MACROD2: variants seen among roughly 807,000 people sequenced by gnomAD.
The protein encoded by MACROD2 is ADP-ribose glycohydrolase MACROD2.
MACROD2 carries 36 observed loss-of-function variants against 70.4 expected under a neutral mutation model. The ratio of observed to expected loss-of-function variants is 0.51; its 90% confidence interval spans 0.39 to 0.68. The LOEUF is 0.68. MACROD2 is among the 30% of genes least tolerant of loss of function. The pLI is 0.00. For synonymous variants in MACROD2, 172 were observed against 178.8 expected (o/e 0.96, Z 0.30); for missense variants, 496 against 538.4 (o/e 0.92, Z 0.78).
chr20:15,093,152 T>C (rs1341897367), intron 5 of MACROD2, among the ~76,000 whole-genome samples: 3 of 152,158 alleles, frequency 2.0e-5, no homozygotes, highest in Admixed American at 2.0e-4. Flanking sequence ...ATTATGATAA[T>C]CTCCCCAAAT....
chr20:14,451,100 G>A (rs377488847), intron 3 of MACROD2, among the ~76,000 whole-genome samples: 17 of 152,060 alleles, frequency 1.1e-4, no homozygotes, highest in African/African-American at 4.1e-4. Flanking sequence ...GGAAGCACTG[G>A]TAGAGGCTTG....
rs193031908 is a variant in MACROD2 at position 15,227,919 on chromosome 20, T to G, written c.419-2021T>G. On this transcript the variant is annotated intron_variant, in intron 5 of 17. Transcript: ENST00000684519. ...GGGGAAATGCTGCTTTATAGAATTG[T>G]GTGTTATTCTGGTTCAATTTTTCTG... is the stretch of plus-strand genomic sequence containing the variant. 9.3e-5 allele frequency among the ~76,000 whole-genome samples: 14 copies of G among 150,602 alleles called. No individual in the cohort carries two copies. In the East Asian group the frequency reaches 1.6e-3, roughly 17 times the overall value.
intron 2 of MACROD2, among the ~76,000 whole-genome samples, chr20:14,042,398 A>G (rs114567374): frequency 4.4e-4 from 67 of 152,312 alleles, no homozygotes; most frequent in African/African-American, 1.6e-3. Flanking sequence ...ATACTCACCA[A>G]TTAACACAGA....
chr20:15,113,763 A>AGTGTGTGTGTGTGTGTGT lies in MACROD2; in HGVS notation c.419-116157_419-116140dup, dbSNP rs71340210. Among the ~76,000 whole-genome samples the AGTGTGTGTGTGTGTGTGT allele has an allele frequency of 3.0e-3, 435 of 144,226 alleles. 3 individuals are homozygous for AGTGTGTGTGTGTGTGTGT. Among genetic ancestry groups the AGTGTGTGTGTGTGTGTGT allele is most frequent in the East Asian group, 0.013 (58 of 4,608 alleles). The allele number at this position is 144,226 out of a possible 152,430, so 94.6% of individuals were successfully genotyped here. Reference sequence around the variant, plus strand: ...TAGGTATGGGGTTGTGTAGTCTTGAAGTGTGTGTGTGTGTGTGTGTGTGTG... The same window carrying AGTGTGTGTGTGTGTGTGT: ...TAGGTATGGGGTTGTGTAGTCTTGAAGTGTGTGTGTGTGTGTGTGTGTGTGTGTGTGTGTGTGTGTGTG... On this transcript the variant is annotated intron_variant, in intron 5 of 17. Coordinates refer to ENST00000684519, the MANE Select transcript of MACROD2 (RefSeq NM_001351661.2).
In MACROD2 at chr20:15,445,568, A is replaced by G. The variant is rs75680441; in HGVS notation, c.571+14133A>G. Among the ~76,000 whole-genome samples the G allele has an allele frequency of 2.5e-3, 386 of 152,250 alleles. 2 individuals are homozygous for G. The East Asian group carries it at 0.034, about 13-fold the overall frequency. On this transcript the variant is annotated intron_variant, in intron 7 of 17. Transcript: ENST00000684519. ...AACCAAATCATGTTTCTGTACATAG[A>G]TTTTAAATGCTTCCTTCCAACCCAG...
chr20:16,011,854 A>G (rs2066867837), intron 15 of MACROD2, among the ~76,000 whole-genome samples: 1 of 152,222 alleles, frequency 6.6e-6, no homozygotes, highest in Non-Finnish European at 1.5e-5. Context: ...TTTCAGCTCC[A>G]TGATCAAGGC....
chr20:14,624,459 A>G (rs1297480765), intron 4 of MACROD2, among the ~76,000 whole-genome samples: 4 of 152,230 alleles, frequency 2.6e-5, no homozygotes, highest in African/African-American at 9.6e-5. Flanking sequence ...CACTAGAGTC[A>G]TATAATCTGG....
At chr20:14,082,529 G>A (rs189569056) in intron 2 of MACROD2, among the ~76,000 whole-genome samples, 117 of 151,958 alleles carry the variant, frequency 7.7e-4, no homozygotes, top group Non-Finnish European at 1.1e-3. Flanking sequence ...TTGCTTTTGA[G>A]AAAGAAACAC....
At chr20:14,694,217 T>C (rs1461313012) in intron 5 of MACROD2, among the ~76,000 whole-genome samples, 2 of 152,220 alleles carry the variant, frequency 1.3e-5, no homozygotes, top group Non-Finnish European at 2.9e-5. Flanking sequence ...TCTATTTCAG[T>C]TCTTACATAT....
intron 8 of MACROD2, among the ~76,000 whole-genome samples, chr20:15,777,502 CTTCCTTCT>C (rs1160799231): frequency 6.1e-5 from 4 of 65,364 alleles, no homozygotes; most frequent in African/African-American, 2.7e-4. Flanking sequence ...TTTTTCCTTC[CTTCCTTCT>C]TTCCTTCCTT....
chr20:14,088,141 C>A (rs2054102954), intron 3 of MACROD2, among the ~76,000 whole-genome samples: 1 of 151,788 alleles, frequency 6.6e-6, no homozygotes, highest in Admixed American at 6.6e-5. Context: ...CCATCTTGGC[C>A]AACATGGTGA....
intron 6 of MACROD2, among the ~76,000 whole-genome samples, chr20:15,395,093 A>T (rs1378783315): frequency 6.6e-6 from 1 of 152,196 alleles, no homozygotes; most frequent in African/African-American, 2.4e-5. Flanking sequence ...TAAATGAAAG[A>T]TATTCTCTTT....
At chr20:15,619,148 A>T (rs2049088294) in intron 8 of MACROD2, among the ~76,000 whole-genome samples, 1 of 152,230 alleles carries the variant, frequency 6.6e-6, no homozygotes. Flanking sequence ...AGAATCTTGT[A>T]GCCTCAGGCC....
intron 8 of MACROD2, among the ~76,000 whole-genome samples, chr20:15,718,033 T>G (rs2050731382): frequency 6.9e-6 from 1 of 144,158 alleles, no homozygotes; most frequent in South Asian, 2.2e-4. Context: ...TTTTTTTTTT[T>G]GTTTTGAGAC....
intron 5 of MACROD2, among the ~76,000 whole-genome samples, chr20:15,016,153 A>C (rs549344976): frequency 3.9e-5 from 6 of 152,314 alleles, no homozygotes; most frequent in African/African-American, 1.4e-4. Flanking sequence ...AGGACAGTTC[A>C]CTTTCTGGGT....
intron 5 of MACROD2, among the ~76,000 whole-genome samples, chr20:14,912,071 CAGGAAGATAAATT>C (rs2074034299): frequency 2.0e-5 from 3 of 152,202 alleles, no homozygotes; most frequent in Admixed American, 2.0e-4. Context: ...CAGCGTGCTA[CAGGAAGATAAATT>C]AGGGGGTCAC....
intron 3 of MACROD2, among the ~76,000 whole-genome samples, chr20:14,196,957 G>T (rs998849541): frequency 6.6e-6 from 1 of 152,220 alleles, no homozygotes; most frequent in Non-Finnish European, 1.5e-5. Context: ...GTAATCAGAT[G>T]GAGAGGGTGA....
At chr20:14,349,814 C>CTTTTTTT (rs538685508) in intron 3 of MACROD2, among the ~76,000 whole-genome samples, 1 of 132,242 alleles carries the variant, frequency 7.6e-6, no homozygotes, top group Non-Finnish European at 1.6e-5. Flanking sequence ...TTCTTTTTTT[C>CTTTTTTT]TTTTTTTTTT....
At chr20:15,888,581 A>AGTTTG (rs2064850209) in intron 10 of MACROD2, among the ~76,000 whole-genome samples, 1 of 152,196 alleles carries the variant, frequency 6.6e-6, no homozygotes, top group Admixed American at 6.5e-5. Flanking sequence ...ATGCTAATGC[A>AGTTTG]GAGTCCCCAA....
Sources: gnomAD v4.1 joint callset for allele counts (sites outside exome capture counted in the v4.1 genomes callset) on GRCh38, gnomAD v4.1.1 for gene constraint, MANE v1.5 for transcripts, NCBI Gene and HGNC (gene_info 2026-07-23, HGNC 2026-07-21) for gene names.